The following CERS6 variants were observed in gnomAD, a reference collection of about 807,000 sequenced individuals.
CERS6 encodes the protein LAG1 homolog, ceramide synthase 6.
Under a neutral mutation model 56.8 loss-of-function variants are expected in CERS6, and 26 were observed. The ratio of observed to expected loss-of-function variants is 0.46; its 90% CI spans 0.34 to 0.63. The LOEUF (loss-of-function observed/expected upper bound fraction) is 0.63, where lower values mean the gene tolerates loss of function less well. Ranked by LOEUF, CERS6 falls within the 30% of genes least tolerant of loss-of-function variation. The pLI is 0.01. For synonymous variants in CERS6, 164 were observed against 173.3 expected (o/e 0.95, Z 0.42); for missense variants, 415 against 467.5 (o/e 0.89, Z 1.04).
chr2:168,656,391 T>G (rs974430805), intron 4 of CERS6, among the ~76,000 whole-genome samples: 1 of 152,070 alleles, frequency 6.6e-6, no homozygotes, highest in Non-Finnish European at 1.5e-5. Context: ...AATGAAGCCG[T>G]GGACCCTCGC....
intron 1 of CERS6, among the ~76,000 whole-genome samples, chr2:168,516,194 G>A (rs1694881128): frequency 6.6e-6 from 1 of 152,118 alleles, no homozygotes; most frequent in Non-Finnish European, 1.5e-5. Context: ...GGGCTAAGAT[G>A]TCATAACATC....
intron 3 of CERS6, among the ~76,000 whole-genome samples, chr2:168,621,286 C>T (rs753428115): frequency 6.6e-6 from 1 of 152,212 alleles, no homozygotes; most frequent in East Asian, 1.9e-4. Flanking sequence ...GTGCATGTTC[C>T]GAAGTCATAT....
rs114085853 is a variant in CERS6, at chr2:168,732,408, G to A, written c.845+14430G>A. Among the ~76,000 whole-genome samples, 385 of 152,164 alleles carry A rather than the reference G, an allele frequency of 2.5e-3. 1 individual carries two copies. The highest frequency in any genetic ancestry group is 8.5e-3 in the African/African-American group (353 of 41,484). ...GTGATTTATTCTGCATCTTAATTTC[G>A]AATTCACCTTCATAAATGGCCCTCC... is the stretch of plus-strand genomic sequence containing the variant. On this transcript the variant is annotated intron_variant, in intron 8 of 9. Transcript: ENST00000305747.
In CERS6 at chr2:168,570,610, G is replaced by A. The variant is rs184951333; in HGVS notation, c.407+9288G>A. ...AGGTCAGCGTGACTTCTGGGTACAGGAGTTTGCTCTTAAATGTAATATTTA... is the reference window on the plus strand; with the variant it reads ...AGGTCAGCGTGACTTCTGGGTACAGAAGTTTGCTCTTAAATGTAATATTTA... On this transcript the variant is annotated intron_variant, in intron 3 of 9. Transcript: ENST00000305747. 2.0e-3 allele frequency among the ~76,000 whole-genome samples: 308 copies of A among 152,182 alleles called. 4 individuals are homozygous for A. Among genetic ancestry groups the A allele is most frequent in the Non-Finnish European group, 3.1e-3 (209 of 68,006 alleles).
intron 2 of CERS6, among the ~76,000 whole-genome samples, chr2:168,555,970 C>T (rs1407329374): frequency 6.6e-6 from 1 of 151,960 alleles, no homozygotes; most frequent in African/African-American, 2.4e-5. Flanking sequence ...TGCTTTCTCT[C>T]CTTGTTTATT....
rs558621198 is a variant in CERS6, at chr2:168,470,860, A to G, written c.170+14242A>G. Among the ~76,000 whole-genome samples the G allele has an allele frequency of 1.8e-4, 28 of 152,296 alleles. 1 individual carries two copies. The South Asian group carries it at 5.0e-3, about 27-fold the overall frequency. On this transcript the variant is annotated intron_variant, in intron 1 of 9. Coordinates refer to ENST00000305747, the MANE Select transcript of CERS6 (RefSeq NM_203463.3). ...CTTTTGCTAGCATTAGGTATAGTTT[A>G]TTTGAAAGAATGAGGCTCCTGAAAT...
At position 168,691,136 on chromosome 2, in the gene CERS6, G is replaced by C. The variant is rs777966902; in HGVS notation, c.516+52G>C. The C allele has an allele frequency of 1.0e-5, 16 of 1,553,694 alleles. No individual in the cohort carries two copies. The East Asian group carries it at 2.7e-4, about 26-fold the overall frequency. On this transcript the variant is annotated intron_variant, in intron 5 of 9. Transcript: ENST00000305747. ...TTACACACATTAAGTATCTACCTTCGGTCAATTTCATGGTCTCAGGCAGGC... is the reference window on the plus strand; with the variant it reads ...TTACACACATTAAGTATCTACCTTCCGTCAATTTCATGGTCTCAGGCAGGC...
At chr2:168,568,779 C>T (rs941441928) in intron 3 of CERS6, among the ~76,000 whole-genome samples, 2 of 152,194 alleles carry the variant, frequency 1.3e-5, no homozygotes, top group African/African-American at 4.8e-5. Flanking sequence ...CTTGTGCTGT[C>T]ATATGACATA....
intron 8 of CERS6, among the ~76,000 whole-genome samples, chr2:168,744,999 C>T (rs1684056260): frequency 6.6e-6 from 1 of 152,068 alleles, no homozygotes; most frequent in Non-Finnish European, 1.5e-5. Context: ...TTTTGAAGCT[C>T]CCCAGGTGAT....
intron 4 of CERS6, among the ~76,000 whole-genome samples, chr2:168,690,062 G>A (rs564818523): frequency 1.2e-4 from 18 of 152,260 alleles, no homozygotes; most frequent in African/African-American, 4.3e-4. Context: ...GATTAAATGA[G>A]TTAATATGTG....
At chr2:168,542,072 A>C (rs1433119069) in intron 1 of CERS6, among the ~76,000 whole-genome samples, 1 of 152,046 alleles carries the variant, frequency 6.6e-6, no homozygotes, top group Non-Finnish European at 1.5e-5. Context: ...CACTTCCCCA[A>C]AGTCAGTTTC....
intron 1 of CERS6, among the ~76,000 whole-genome samples, chr2:168,537,689 C>T (rs1695290015): frequency 6.6e-6 from 1 of 152,086 alleles, no homozygotes; most frequent in Admixed American, 6.6e-5. Context: ...GAATCTCCTC[C>T]CGTATTTATT....
chr2:168,726,644 A>G (rs1465630050), intron 8 of CERS6, among the ~76,000 whole-genome samples: 2 of 152,180 alleles, frequency 1.3e-5, no homozygotes, highest in African/African-American at 4.8e-5. Flanking sequence ...TCATCGGTAA[A>G]ATAATGGTAA....
intron 1 of CERS6, among the ~76,000 whole-genome samples, chr2:168,545,676 T>A (rs1695453931): frequency 2.0e-5 from 3 of 152,198 alleles, no homozygotes. Flanking sequence ...ACAAAACATA[T>A]TTACTGAAGA....
chr2:168,565,447 G>A (rs536837992), intron 3 of CERS6, among the ~76,000 whole-genome samples: 1 of 152,288 alleles, frequency 6.6e-6, no homozygotes, highest in East Asian at 1.9e-4. Context: ...ATACTAAAAG[G>A]TGAAATTAGA....
chr2:168,621,023 C>A (rs1241253092), intron 3 of CERS6, among the ~76,000 whole-genome samples: 1 of 152,088 alleles, frequency 6.6e-6, no homozygotes, highest in Non-Finnish European at 1.5e-5. Flanking sequence ...TGGGGAAATT[C>A]ACTTCTTAAA....
intron 1 of CERS6, among the ~76,000 whole-genome samples, chr2:168,474,613 A>G (rs1033609662): frequency 6.6e-6 from 1 of 151,766 alleles, no homozygotes; most frequent in Admixed American, 6.6e-5. Context: ...GTTAGGAAGG[A>G]AATTTAATAA....
intron 4 of CERS6, among the ~76,000 whole-genome samples, chr2:168,656,323 A>G (rs1023130207): frequency 4.6e-5 from 7 of 152,262 alleles, no homozygotes; most frequent in Admixed American, 3.3e-4. Context: ...CTTTTAACTG[A>G]TGTGGTATGT....
rs575923251 is a variant in CERS6, at chr2:168,602,497, TACACAGGA to T, written c.408-28483_408-28476del. On this transcript the variant is annotated intron_variant, in intron 3 of 9. Transcript: ENST00000305747. Reference sequence around the variant, plus strand: ...CACCTACCTATGTGGATAGACTTTTTACACAGGAACACGTAGTTAAATTACATTTTGGA... The same window carrying T: ...CACCTACCTATGTGGATAGACTTTTTACACGTAGTTAAATTACATTTTGGA... 5.2e-3 allele frequency among the ~76,000 whole-genome samples: 782 copies of T among 150,440 alleles called. 10 individuals are homozygous for T. The highest frequency in any genetic ancestry group is 0.018 in the African/African-American group (733 of 39,782).
Sources: allele counts gnomAD v4.1 joint callset (sites outside exome capture counted in the v4.1 genomes callset), GRCh38; gene constraint gnomAD v4.1.1; transcripts MANE v1.5; gene names NCBI Gene and HGNC (gene_info 2026-07-23, HGNC 2026-07-21).